LRP2BP: variants seen among roughly 807,000 people sequenced by gnomAD.
LRP2BP encodes LRP2 binding protein, also known as LRP2-binding protein.
In LRP2BP, 38 loss-of-function variants were observed where a neutral mutation model predicts 45.2. The observed-to-expected ratio is 0.84, with a 90% CI of 0.65 to 1.10. The LOEUF (loss-of-function observed/expected upper bound fraction) is 1.10. Ranked by LOEUF, LRP2BP falls within the 50% of genes least tolerant of loss-of-function variation. The probability of loss-of-function intolerance (pLI) is 0.00; values close to 1 mark genes in which losing one functional copy is unlikely to be tolerated. For synonymous variants in LRP2BP, 153 were observed against 153.9 expected (o/e 0.99, Z 0.04); for missense variants, 385 against 418.9 (o/e 0.92, Z 0.71).
chr4:185,396,918 C>CGGGAAATGCTGTT, upstream of LRP2BP: 1 of 1,613,498 alleles, frequency 6.2e-7, no homozygotes, highest in Non-Finnish European at 8.5e-7. Flanking sequence ...CTGCCTTAGG[C>CGGGAAATGCTGTT]GGGAAATGCT....
chr4:185,385,839 T>A (rs1328889582), intron 1 of LRP2BP, among the ~76,000 whole-genome samples: 1 of 145,784 alleles, frequency 6.9e-6, no homozygotes, highest in African/African-American at 2.6e-5. Context: ...AGGTGGAGGT[T>A]GCAGTGAGCT....
chr4:185,370,923 G>C (rs2126785667), intron 7 of LRP2BP, 109 bp from the exon 8 acceptor site: 1 of 1,197,738 alleles, frequency 8.3e-7, no homozygotes, highest in African/African-American at 1.5e-5. Flanking sequence ...TCTCTCTACT[G>C]CTTTGAGAAC....
At chr4:185,381,091 C>T (rs139577047) in intron 1 of LRP2BP, among the ~76,000 whole-genome samples, 114 of 152,252 alleles carry the variant, frequency 7.5e-4, no homozygotes, top group African/African-American at 2.5e-3. Flanking sequence ...TGTTGTATTC[C>T]CTTCTAGTCA....
intron 1 of LRP2BP, among the ~76,000 whole-genome samples, chr4:185,380,099 C>T (rs6842509): frequency 1.5e-3 from 235 of 152,244 alleles, no homozygotes; most frequent in African/African-American, 5.6e-3. Context: ...CTGCGGTTAC[C>T]GCAGTGAGTC....
rs992015704 is a variant in LRP2BP, at chr4:185,365,884, C to G, written c.*1296G>C. 6.6e-6 allele frequency: 1 copy of G among 152,086 alleles called. No individual in the cohort carries two copies. Among genetic ancestry groups the G allele is most frequent in the African/African-American group, 2.4e-5 (1 of 41,494 alleles). The allele number at this position is 152,086 out of a possible 1,614,324, so 9.4% of individuals were successfully genotyped here. A position where few individuals can be genotyped will look rare whatever the true frequency, so the allele number is the denominator to read the frequency against. ...GTCTGTTGAAATTTCTTCCCTTACA[C>G]AAAGACAAAATGAAGTTCAGGCAAT... On this transcript the variant is annotated 3_prime_UTR_variant, in exon 9 of 9. Coordinates refer to ENST00000505916, the MANE Select transcript of LRP2BP (RefSeq NM_001377440.1).
rs1437868715 is a variant in LRP2BP at position 185,370,762 on chromosome 4, C to G, written c.856G>C (p.Asp286His). 1 of 1,614,088 alleles carries G rather than the reference C, an allele frequency of 6.2e-7. No homozygotes were observed. The highest frequency in any genetic ancestry group is 2.2e-5 in the East Asian group (1 of 44,868). The part of the protein sequence containing the change: ...HDIPMIAQVT[D>H]CLPEFIGRGM... ...CTGCCGATGAACTCCGGGAGACAGTCTGTGACCTGGGCGATCATGGGGATG... is the reference window on the plus strand; with the variant it reads ...CTGCCGATGAACTCCGGGAGACAGTGTGTGACCTGGGCGATCATGGGGATG... The change falls in exon 8 of 9, where the codon GAC becomes CAC. Residue 286 changes from aspartate (D) to histidine (H), a missense_variant. Physicochemically the swap from Asp to His is moderately conservative, Grantham distance 81. Coordinates refer to ENST00000505916, the MANE Select transcript of LRP2BP (RefSeq NM_001377440.1).
chr4:185,374,036 G>T (rs192361567), intron 6 of LRP2BP, 99 bp downstream of exon 6: 2 of 940,756 alleles, frequency 2.1e-6, no homozygotes, highest in Non-Finnish European at 3.3e-6. Context: ...AACTATAAGA[G>T]ATATTTAAAA....
chr4:185,396,249 C>A (rs1158857781), upstream of LRP2BP: 4 of 152,254 alleles, frequency 2.6e-5, no homozygotes, highest in African/African-American at 9.6e-5. Flanking sequence ...GGTTGGGAGG[C>A]GGGCGACTGC....
At chr4:185,378,454 T>C in intron 1 of LRP2BP, 2 of 1,249,028 alleles carry the variant, frequency 1.6e-6, no homozygotes, top group East Asian at 7.6e-5. Flanking sequence ...GAGACCTGTT[T>C]GCACGTCCTG....
intron 4 of LRP2BP, among the ~76,000 whole-genome samples, chr4:185,374,892 G>C (rs77279218): frequency 1.3e-5 from 2 of 151,970 alleles, no homozygotes. Flanking sequence ...AACAAACACC[G>C]TCTTCCATTC....
In LRP2BP at chr4:185,378,167, T is replaced by A; in HGVS notation, c.20A>T (p.Lys7Met). 1 of 1,614,064 alleles carries A rather than the reference T, an allele frequency of 6.2e-7. No homozygotes were observed. Among genetic ancestry groups the A allele is most frequent in the Non-Finnish European group, 8.5e-7 (1 of 1,179,988 alleles). The change falls in exon 2 of 9, where the codon AAG (lysine) becomes ATG (methionine). Residue 7 changes from lysine to methionine, a missense_variant. Lys to Met is a moderately conservative substitution (Grantham distance 95, BLOSUM62 -1). Coordinates refer to ENST00000505916, the MANE Select transcript of LRP2BP (RefSeq NM_001377440.1). MKLTSE[K>M]LPKNPFYASV... ...GGCATAAAAGGGGTTCTTGGGCAAC[T>A]TTTCACTGGTCAACTTCATCCTTTT...
At chr4:185,376,577 A>G (rs2095438704) in intron 3 of LRP2BP, among the ~76,000 whole-genome samples, 1 of 151,466 alleles carries the variant, frequency 6.6e-6, no homozygotes, top group Non-Finnish European at 1.5e-5. Context: ...TACAGGCGTG[A>G]GCCACCGCAC....
chr4:185,379,835 TGA>T (rs1383256975), intron 1 of LRP2BP, among the ~76,000 whole-genome samples: 1 of 150,924 alleles, frequency 6.6e-6, no homozygotes, highest in Non-Finnish European at 1.5e-5. Flanking sequence ...TCTCTCTCTC[TGA>T]GACAGCGTCT....
At position 185,395,246 on chromosome 4, in the gene LRP2BP, CTT is replaced by C; in HGVS notation, c.-491_-490del. 1.0e-6 allele frequency: 1 copy of C among 985,416 alleles called. No individual in the cohort carries two copies. The highest frequency in any genetic ancestry group is 4.7e-5 in the South Asian group (1 of 21,280). 61.0% of individuals were successfully genotyped at this position (985,416 alleles called of 1,614,324 possible). On this transcript the variant is annotated 5_prime_UTR_variant, in exon 1 of 9. Transcript: ENST00000505916. The stretch of plus-strand genomic sequence containing the variant: ...CCACTTAATGCATACTGAACAGAAT[CTT>C]GTTTCAAAGAAAAGATATGAAATAT...
chr4:185,386,558 T>C (rs2095472280), intron 1 of LRP2BP, among the ~76,000 whole-genome samples: 1 of 152,142 alleles, frequency 6.6e-6, no homozygotes, highest in African/African-American at 2.4e-5. Flanking sequence ...CTTAAGGGCA[T>C]GGGGCAGGTG....
In LRP2BP at chr4:185,366,257, A is replaced by G. The variant is rs912239903; in HGVS notation, c.*923T>C. The stretch of plus-strand genomic sequence containing the variant: ...CGGAAAGCCTTTTGCTAATTTTAAC[A>G]ATATTTAATTGTAGTTCTTGTAAAT... On this transcript the variant is annotated 3_prime_UTR_variant, in exon 9 of 9. Coordinates refer to ENST00000505916, the MANE Select transcript of LRP2BP (RefSeq NM_001377440.1). 2.6e-5 allele frequency: 4 copies of G among 152,228 alleles called. No homozygotes were observed. In the East Asian group the frequency reaches 7.7e-4, roughly 29 times the overall value. The allele number at this position is 152,228 out of a possible 1,614,324, so 9.4% of individuals were successfully genotyped here.
intron 1 of LRP2BP, among the ~76,000 whole-genome samples, chr4:185,382,636 A>G (rs1438827383): frequency 1.3e-5 from 2 of 152,146 alleles, no homozygotes; most frequent in African/African-American, 4.8e-5. Context: ...TGTGCTTCTT[A>G]CCCATTTTGC....
At chr4:185,370,970 C>T (rs1336100311) in intron 7 of LRP2BP, 156 bp from the exon 8 acceptor site, 2 of 659,110 alleles carry the variant, frequency 3.0e-6, no homozygotes, top group Non-Finnish European at 5.1e-6. Flanking sequence ...TCCATGTAGG[C>T]ACCTCATACC....
rs760319896 is a variant in LRP2BP at position 185,374,465 on chromosome 4, C to A, written c.331-4G>T. The A allele has an allele frequency of 3.7e-6, 6 of 1,603,790 alleles. No homozygotes were observed. The South Asian group carries it at 6.8e-5, about 18-fold the overall frequency. On this transcript the variant is annotated splice_region_variant and splice_polypyrimidine_tract_variant and intron_variant, in intron 4 of 8. Coordinates refer to ENST00000505916, the MANE Select transcript of LRP2BP (RefSeq NM_001377440.1). ...TCATATAGTCCACCCCTTTCTCCTTCGACAAAAGAAAGAGCAAAAAAACCC... is the reference window on the plus strand; with the variant it reads ...TCATATAGTCCACCCCTTTCTCCTTAGACAAAAGAAAGAGCAAAAAAACCC...
Sources: allele counts gnomAD v4.1 joint callset (sites outside exome capture counted in the v4.1 genomes callset), GRCh38; gene constraint gnomAD v4.1.1; transcripts MANE v1.5; gene names NCBI Gene and HGNC (gene_info 2026-07-23, HGNC 2026-07-21).